The following DAB1 variants were observed in gnomAD, a reference collection of about 807,000 sequenced individuals.
DAB1 encodes the protein DAB adaptor protein 1, also known as disabled homolog 1.
DAB1 carries 15 observed loss-of-function variants against 64.6 expected under a neutral mutation model. The ratio of observed to expected loss-of-function variants is 0.23; its 90% CI spans 0.16 to 0.36. The LOEUF is 0.36. Ranked by LOEUF, DAB1 falls within the 10% of genes least tolerant of loss-of-function variation. The pLI, the probability that DAB1 is intolerant of heterozygous loss-of-function variation, is 1.00. For missense variants in DAB1, 596 were observed against 706.7 expected, an observed-to-expected ratio of 0.84 and a Z score of 1.78; for synonymous variants, 235 against 251.9, an observed-to-expected ratio of 0.93 and a Z score of 0.64.
chr1:57,024,424 C>T (rs1646720141), intron 10 of DAB1, among the ~76,000 whole-genome samples: 1 of 152,136 alleles, frequency 6.6e-6, no homozygotes, highest in Non-Finnish European at 1.5e-5. Context: ...CTTTTGCCTA[C>T]AGAGTGTAAA....
At chr1:58,256,668 T>C (rs1391062477) in intron 4 of DAB1, among the ~76,000 whole-genome samples, 2 of 152,234 alleles carry the variant, frequency 1.3e-5, no homozygotes, top group Non-Finnish European at 2.9e-5. Context: ...TGTCTGTCTG[T>C]CAATCCCCAC....
At chr1:57,736,749 C>T (rs988088186) in intron 6 of DAB1, among the ~76,000 whole-genome samples, 1 of 152,114 alleles carries the variant, frequency 6.6e-6, no homozygotes, top group Non-Finnish European at 1.5e-5. Context: ...CCATCCTTCC[C>T]TCCCTCTCTC....
chr1:58,480,084 TTA>T (rs1413964494), intron 3 of DAB1, among the ~76,000 whole-genome samples: 2 of 152,272 alleles, frequency 1.3e-5, no homozygotes, highest in Non-Finnish European at 2.9e-5. Context: ...ATTTCCACAT[TTA>T]TATAATGCAG....
chr1:57,010,216 C>T lies in DAB1; in HGVS notation c.*15+464G>A, dbSNP rs56051016. 4.2e-3 allele frequency among the ~76,000 whole-genome samples: 635 copies of T among 152,242 alleles called. 6 individuals carry two copies. The highest frequency in any genetic ancestry group is 0.014 in the African/African-American group (587 of 41,536). ...ATTAAAGCATCTGGACCATGGCTCA[C>T]TGAGAAATTATCAGGGTGGGCAGAA... On this transcript the variant is annotated intron_variant, in intron 14 of 14. Coordinates refer to ENST00000371236, the MANE Select transcript of DAB1 (RefSeq NM_001365792.1).
chr1:57,091,522 T>C (rs962416745), intron 4 of DAB1, among the ~76,000 whole-genome samples: 1 of 152,114 alleles, frequency 6.6e-6, no homozygotes, highest in African/African-American at 2.4e-5. Context: ...CAAAGTCACA[T>C]CTAGGAAGCA....
intron 6 of DAB1, among the ~76,000 whole-genome samples, chr1:57,819,404 G>C (rs950764178): frequency 6.6e-6 from 1 of 152,116 alleles, no homozygotes; most frequent in African/African-American, 2.4e-5. Flanking sequence ...AATTTTCCTT[G>C]CTGGTTTCTG....
intron 4 of DAB1, among the ~76,000 whole-genome samples, chr1:58,219,025 C>CTCTCTCTCTCTCTCTCTCTCTCTCTCTG (rs376130413): frequency 3.1e-5 from 4 of 129,550 alleles, no homozygotes; most frequent in South Asian, 5.8e-4. Flanking sequence ...CTCTCTCTCT[C>CTCTCTCTCTCTCTCTCTCTCTCTCTCTG]TGTGTGTGTG....
chr1:57,172,347 T>C (rs1017345230), intron 2 of DAB1, among the ~76,000 whole-genome samples: 5 of 152,206 alleles, frequency 3.3e-5, no homozygotes, highest in African/African-American at 1.2e-4. Context: ...TCATGTTAGC[T>C]CATTTAATCT....
At chr1:58,342,442 G>A (rs753206033) in intron 4 of DAB1, among the ~76,000 whole-genome samples, 30 of 152,310 alleles carry the variant, frequency 2.0e-4, no homozygotes, top group Non-Finnish European at 4.3e-4. Context: ...TAATGAGAAT[G>A]TGGATAAATC....
At chr1:57,420,818 AACC>A (rs1684833539) in intron 1 of DAB1, among the ~76,000 whole-genome samples, 1 of 152,206 alleles carries the variant, frequency 6.6e-6, no homozygotes, top group Admixed American at 6.5e-5. Context: ...TGCTTAACTC[AACC>A]ACGAGTATTC....
chr1:58,539,738 C>A (rs1646574753), intron 1 of DAB1, among the ~76,000 whole-genome samples: 1 of 152,102 alleles, frequency 6.6e-6, no homozygotes, highest in African/African-American at 2.4e-5. Context: ...GAACAGTGAT[C>A]CCTAACAGAT....
chr1:57,731,848 T>C (rs2101774957), intron 6 of DAB1, among the ~76,000 whole-genome samples: 1 of 152,156 alleles, frequency 6.6e-6, no homozygotes, highest in Middle Eastern at 3.4e-3. Flanking sequence ...ATATCACAAG[T>C]ACACTCCTTA....
intron 7 of DAB1, among the ~76,000 whole-genome samples, chr1:57,518,187 C>G (rs931111185): frequency 4.7e-5 from 7 of 150,216 alleles, no homozygotes; most frequent in African/African-American, 1.5e-4. Flanking sequence ...TTGTCGTTGT[C>G]GTCATCATCA....
intron 4 of DAB1, among the ~76,000 whole-genome samples, chr1:58,180,106 C>T (rs1390713628): frequency 6.6e-6 from 1 of 151,634 alleles, no homozygotes; most frequent in Non-Finnish European, 1.5e-5. Flanking sequence ...TGGGTATCCA[C>T]AGATTTTGCT....
chr1:57,566,343 A>C (rs1465636287), intron 7 of DAB1, among the ~76,000 whole-genome samples: 5 of 152,126 alleles, frequency 3.3e-5, no homozygotes, highest in African/African-American at 1.2e-4. Context: ...AAAATTGACA[A>C]CCTAACATCA....
chr1:57,279,933 C>G, intron 2 of DAB1, among the ~76,000 whole-genome samples: 1 of 152,176 alleles, frequency 6.6e-6, no homozygotes, highest in East Asian at 1.9e-4. Flanking sequence ...CTGAGGCCAT[C>G]TCAACCTAAA....
chr1:58,287,244 A>G (rs1203241782), intron 4 of DAB1, among the ~76,000 whole-genome samples: 1 of 152,194 alleles, frequency 6.6e-6, no homozygotes, highest in African/African-American at 2.4e-5. Flanking sequence ...TGATAGGTGC[A>G]GCAAATAACC....
intron 3 of DAB1, among the ~76,000 whole-genome samples, chr1:58,396,548 G>C (rs536573295): frequency 6.6e-6 from 1 of 152,098 alleles, no homozygotes; most frequent in South Asian, 2.1e-4. Flanking sequence ...GAGATGGAGA[G>C]AGACAAAGGG....
At chr1:57,714,761 G>C (rs1285631084) in intron 6 of DAB1, among the ~76,000 whole-genome samples, 2 of 152,172 alleles carry the variant, frequency 1.3e-5, no homozygotes, top group East Asian at 3.9e-4. Context: ...CAGTTTAAGG[G>C]AGGGCCCTTG....
Sources: gnomAD v4.1 joint callset for allele counts (sites outside exome capture counted in the v4.1 genomes callset) on GRCh38, gnomAD v4.1.1 for gene constraint, MANE v1.5 for transcripts, NCBI Gene and HGNC (gene_info 2026-07-23, HGNC 2026-07-21) for gene names.